TLCD4: variants seen among roughly 807,000 people sequenced by gnomAD.
TLCD4 encodes the protein TLC domain containing 4.
In TLCD4, 7 loss-of-function variants were observed where a neutral mutation model predicts 24.2. That is an observed-to-expected ratio of 0.29 (90% CI 0.16 to 0.54). The LOEUF (loss-of-function observed/expected upper bound fraction) is 0.54, where lower values mean the gene tolerates loss of function less well. Among genes scored for constraint, TLCD4 ranks in the 20% least tolerant of loss-of-function variants. The pLI, the probability that TLCD4 is intolerant of heterozygous loss-of-function variation, is 0.95. For missense variants in TLCD4, 259 were observed against 313.9 expected (o/e 0.82, Z 1.32); for synonymous variants, 103 against 106.4 (o/e 0.97, Z 0.20).
At position 95,144,037 on chromosome 1, in the gene TLCD4, A is replaced by C. The variant is rs935953891; in HGVS notation, c.136A>C (p.Lys46Gln). ...TTTCAATAGTCTCAGCTTCAAAAAG[A>C]AGATTGAATGGAACTCAAGGTAAAG... is the stretch of plus-strand genomic sequence containing the variant. ...PGFNSLSFKK[K>Q]IEWNSRVVST... Residue 46 changes from lysine (K) to glutamine (Q), a missense_variant, in exon 2 of 7, where the codon AAG (lysine) becomes CAG (glutamine). Lys to Gln is a moderately conservative substitution (Grantham distance 53, BLOSUM62 1). Coordinates refer to ENST00000370203, the MANE Select transcript of TLCD4 (RefSeq NM_152487.3). 1 of 1,539,864 alleles carries C rather than the reference A, an allele frequency of 6.5e-7. No individual in the cohort carries two copies. The highest frequency in any genetic ancestry group is 1.4e-5 in the African/African-American group (1 of 71,470).
intron 5 of TLCD4, among the ~76,000 whole-genome samples, chr1:95,156,384 T>A (rs947936626): frequency 2.5e-4 from 37 of 149,844 alleles, no homozygotes; most frequent in African/African-American, 9.0e-4. Flanking sequence ...TGTGTAGACA[T>A]GGGTGATGGT....
chr1:95,138,857 A>G (rs1677118158), intron 1 of TLCD4, among the ~76,000 whole-genome samples: 1 of 152,018 alleles, frequency 6.6e-6, no homozygotes, highest in Non-Finnish European at 1.5e-5. Flanking sequence ...GTGTATCTAA[A>G]CATAGAAAAG....
At chr1:95,167,520 C>T (rs1236876576) in intron 5 of TLCD4, among the ~76,000 whole-genome samples, 2 of 151,978 alleles carry the variant, frequency 1.3e-5, no homozygotes, top group Non-Finnish European at 2.9e-5. Flanking sequence ...GGAACATGTG[C>T]GGGGTCCAGG....
chr1:95,119,426 G>C (rs1297657150), intron 1 of TLCD4, among the ~76,000 whole-genome samples: 1 of 152,170 alleles, frequency 6.6e-6, no homozygotes, highest in Non-Finnish European at 1.5e-5. Flanking sequence ...AAAAGACTGG[G>C]GAGAAAGAAG....
intron 5 of TLCD4, among the ~76,000 whole-genome samples, chr1:95,153,396 A>G (rs949999054): frequency 5.3e-5 from 8 of 152,156 alleles, no homozygotes; most frequent in African/African-American, 1.9e-4. Context: ...ATATTGGACA[A>G]TGTTATTACA....
Position 95,148,822 on chromosome 1 carries a change from T to C in TLCD4, c.245+31T>C, listed in dbSNP as rs771210611. On this transcript the variant is annotated intron_variant, in intron 3 of 6. Transcript: ENST00000370203. The stretch of plus-strand genomic sequence containing the variant: ...CTGTTTCTTTTTCTAAGATTGCCAA[T>C]TTCATTTATGTTTTGATATTAATTA... 11 of 1,602,536 alleles carry C rather than the reference T, an allele frequency of 6.9e-6. No individual in the cohort carries two copies. In the South Asian group the frequency reaches 1.2e-4, roughly 18 times the overall value.
At chr1:95,092,738 G>A in the TLCD4 span, among the ~76,000 whole-genome samples, 8 of 152,160 alleles carry the variant, frequency 5.3e-5, no homozygotes, top group Non-Finnish European at 1.0e-4. Context: ...AACACTCACC[G>A]CGAAGGTCCG....
chr1:95,098,637 C>A, the TLCD4 span, among the ~76,000 whole-genome samples: 1 of 152,106 alleles, frequency 6.6e-6, no homozygotes. Context: ...GATTTTGATT[C>A]TCCTGTTAGA....
chr1:95,115,106 A>ATAT (rs398103047), upstream of TLCD4, among the ~76,000 whole-genome samples: 1 of 102,604 alleles, frequency 9.7e-6, no homozygotes, highest in Admixed American at 1.0e-4. Context: ...ATATATATAT[A>ATAT]ATATATATGT....
rs1164832537 is a variant in TLCD4, at chr1:95,195,362, G to A, written c.*3494G>A. On this transcript the variant is annotated 3_prime_UTR_variant, in exon 7 of 7. Coordinates refer to ENST00000370203, the MANE Select transcript of TLCD4 (RefSeq NM_152487.3). The stretch of plus-strand genomic sequence containing the variant: ...TGTCGTTTTTAAGGGAAATAAACAT[G>A]TTCCAAAAGATGCTGTTAAAATAAA... The A allele has an allele frequency of 6.6e-6, 1 of 152,120 alleles. No homozygotes were observed. The allele number at this position is 152,120 out of a possible 1,614,324, so 9.4% of individuals were successfully genotyped here. A position where few individuals can be genotyped will look rare whatever the true frequency, so the allele number is the denominator to read the frequency against.
chr1:95,178,199 G>A (rs1471603370), intron 6 of TLCD4, among the ~76,000 whole-genome samples: 1 of 151,746 alleles, frequency 6.6e-6, no homozygotes. Flanking sequence ...TGCCCACCTC[G>A]GCCTCCCAAA....
chr1:95,123,381 G>C (rs1262016619), intron 1 of TLCD4, among the ~76,000 whole-genome samples: 1 of 152,208 alleles, frequency 6.6e-6, no homozygotes, highest in Non-Finnish European at 1.5e-5. Flanking sequence ...GAGGCCAAGA[G>C]GAAGGCTTGA....
chr1:95,174,104 T>C, intron 6 of TLCD4: 1 of 624,922 alleles, frequency 1.6e-6, no homozygotes, highest in South Asian at 2.1e-5. Context: ...TGCTAGCTTT[T>C]AAATCCTGCT....
the TLCD4 span, among the ~76,000 whole-genome samples, chr1:95,110,668 T>G: frequency 6.6e-6 from 1 of 151,886 alleles, no homozygotes; most frequent in African/African-American, 2.4e-5. Context: ...ATGGGCAGAT[T>G]ACTTGAGTCC....
At position 95,195,359 on chromosome 1, in the gene TLCD4, C is replaced by CA. The variant is rs1679161564; in HGVS notation, c.*3492dup. On this transcript the variant is annotated 3_prime_UTR_variant, in exon 7 of 7. Coordinates refer to ENST00000370203, the MANE Select transcript of TLCD4 (RefSeq NM_152487.3). The stretch of plus-strand genomic sequence containing the variant: ...CTGTGTCGTTTTTAAGGGAAATAAA[C>CA]ATGTTCCAAAAGATGCTGTTAAAAT... 6.6e-6 allele frequency: 1 copy of CA among 152,134 alleles called. No individual in the cohort carries two copies. Among genetic ancestry groups the CA allele is most frequent in the Non-Finnish European group, 1.5e-5 (1 of 68,006 alleles). The allele number at this position is 152,134 out of a possible 1,614,324, so 9.4% of individuals were successfully genotyped here. A position where few individuals can be genotyped will look rare whatever the true frequency, so the allele number is the denominator to read the frequency against.
At chr1:95,092,552 T>C in the TLCD4 span, among the ~76,000 whole-genome samples, 2 of 152,272 alleles carry the variant, frequency 1.3e-5, no homozygotes, top group Admixed American at 1.3e-4. Flanking sequence ...CAATAAATCT[T>C]GCTACTGCTC....
At position 95,150,166 on chromosome 1, in the gene TLCD4, A is replaced by G. The variant is rs774276188; in HGVS notation, c.246-42A>G. On this transcript the variant is annotated intron_variant, in intron 3 of 6. Transcript: ENST00000370203. ...TAGAAAAAAGAAGTAGCGGTCATCT[A>G]CAATCTATATACTTTAAAAAGGAAC... The G allele has an allele frequency of 1.3e-5, 20 of 1,581,044 alleles. No individual in the cohort carries two copies. In the South Asian group the frequency reaches 2.0e-4, roughly 16 times the overall value.
chr1:95,118,938 C>G (rs930399317), intron 1 of TLCD4, among the ~76,000 whole-genome samples: 10 of 151,600 alleles, frequency 6.6e-5, no homozygotes, highest in African/African-American at 2.4e-4. Flanking sequence ...GAGGGTGCTT[C>G]TTTTTTTTTC....
intron 2 of TLCD4, among the ~76,000 whole-genome samples, chr1:95,146,206 A>G (rs1264754886): frequency 6.6e-6 from 1 of 152,080 alleles, no homozygotes; most frequent in East Asian, 1.9e-4. Flanking sequence ...TGCCCATTTG[A>G]GAGACAACAG....
Sources: gnomAD v4.1 joint callset for allele counts (sites outside exome capture counted in the v4.1 genomes callset) on GRCh38, gnomAD v4.1.1 for gene constraint, MANE v1.5 for transcripts, NCBI Gene and HGNC (gene_info 2026-07-23, HGNC 2026-07-21) for gene names.